The following ANKFN1 variants were observed in gnomAD, a reference collection of about 807,000 sequenced individuals.
The protein encoded by ANKFN1 is ankyrin repeat and fibronectin type-III domain-containing protein 1.
A neutral mutation model predicts 108.7 loss-of-function variants in ANKFN1; 74 were observed. That is an observed-to-expected ratio of 0.68 (90% confidence interval 0.56 to 0.83). ANKFN1 has a LOEUF of 0.83. Ranked by LOEUF, ANKFN1 falls within the 40% of genes least tolerant of loss-of-function variation. The pLI is 0.00. For synonymous variants in ANKFN1, 547 were observed against 516.2 expected (o/e 1.06, Z -0.81); for missense variants, 1,505 against 1,382.3 (o/e 1.09, Z -1.41).
chr17:56,154,840 C>T (rs769716058), intron 1 of ANKFN1, among the ~76,000 whole-genome samples: 3 of 152,056 alleles, frequency 2.0e-5, no homozygotes, highest in Non-Finnish European at 4.4e-5. Context: ...CCATTTGTTC[C>T]ATGAAGTGTA....
At chr17:56,482,631 T>G in intron 18 of ANKFN1, 107 bp downstream of exon 18, 1 of 1,365,738 alleles carries the variant, frequency 7.3e-7, no homozygotes, top group East Asian at 2.4e-5. Context: ...ATAAATCACA[T>G]GATGGCTTTG....
chr17:56,449,332 A>G (rs376346264), intron 11 of ANKFN1, 146 bp downstream of exon 11: 2 of 515,500 alleles, frequency 3.9e-6, no homozygotes, highest in Non-Finnish European at 6.7e-6. Flanking sequence ...TTACAGCACT[A>G]TCTTGCTTTA....
chr17:56,287,492 C>G (rs916099746), intron 3 of ANKFN1, among the ~76,000 whole-genome samples: 1 of 152,114 alleles, frequency 6.6e-6, no homozygotes, highest in Non-Finnish European at 1.5e-5. Flanking sequence ...CACCTTTGAC[C>G]CCCAAACAGC....
intron 4 of ANKFN1, among the ~76,000 whole-genome samples, chr17:56,335,499 C>G (rs1247920626): frequency 4.6e-5 from 7 of 152,132 alleles, no homozygotes; most frequent in Non-Finnish European, 1.0e-4. Context: ...TGGGAGTTCA[C>G]TCATGATTTG....
At chr17:56,345,371 A>T (rs552553051) in intron 4 of ANKFN1, among the ~76,000 whole-genome samples, 4 of 152,232 alleles carry the variant, frequency 2.6e-5, no homozygotes, top group Non-Finnish European at 5.9e-5. Context: ...ATGTGTCTTT[A>T]TAGTAGAATG....
intron 1 of ANKFN1, among the ~76,000 whole-genome samples, chr17:56,196,281 A>G (rs1913500165): frequency 6.6e-6 from 1 of 152,196 alleles, no homozygotes; most frequent in Admixed American, 6.5e-5. Context: ...CACCACCACA[A>G]CAAAAGTGAA....
intron 6 of ANKFN1, among the ~76,000 whole-genome samples, chr17:56,358,620 G>A (rs2046434649): frequency 6.6e-6 from 1 of 151,982 alleles, no homozygotes; most frequent in Admixed American, 6.6e-5. Flanking sequence ...TTCTTTCCTT[G>A]CAGAAAAACA....
At chr17:56,470,475 T>C (rs142517446) in intron 15 of ANKFN1, among the ~76,000 whole-genome samples, 83 of 152,238 alleles carry the variant, frequency 5.5e-4, no homozygotes, top group Non-Finnish European at 1.0e-3. Context: ...GTATTAATAA[T>C]AATCACCATT....
chr17:56,219,837 T>C (rs1167564568), intron 2 of ANKFN1, among the ~76,000 whole-genome samples: 2 of 152,252 alleles, frequency 1.3e-5, no homozygotes, highest in Non-Finnish European at 2.9e-5. Context: ...TGGCGGCTAC[T>C]GAAACCAGTA....
intron 3 of ANKFN1, among the ~76,000 whole-genome samples, chr17:56,315,570 A>G (rs2045179468): frequency 6.6e-6 from 1 of 152,210 alleles, no homozygotes; most frequent in Non-Finnish European, 1.5e-5. Flanking sequence ...TAAGCCATTG[A>G]CCTTTTAATT....
Position 56,159,656 on chromosome 17 carries a change from C to A in ANKFN1, c.-71+6126C>A, listed in dbSNP as rs529794835. Among the ~76,000 whole-genome samples, 40 of 152,320 alleles carry A rather than the reference C, an allele frequency of 2.6e-4. 2 individuals are homozygous for A. In the South Asian group the frequency reaches 8.3e-3, roughly 32 times the overall value. On this transcript the variant is annotated intron_variant, in intron 1 of 20. Transcript: ENST00000682825. The stretch of plus-strand genomic sequence containing the variant: ...ACACACTCTAACCTCTACCCTCCCC[C>A]TTTCCAAGACACACGTATTAATAAC...
chr17:56,150,468 C>T (rs190961793), upstream of ANKFN1, among the ~76,000 whole-genome samples: 275 of 152,282 alleles, frequency 1.8e-3, 1 homozygote, highest in Admixed American at 4.2e-3. Flanking sequence ...CCACTGCCCT[C>T]ATTTGTCTCA....
rs1390895498 is a variant in ANKFN1, at chr17:56,511,618, C to T, written c.*349C>T. On this transcript the variant is annotated 3_prime_UTR_variant, in exon 21 of 21. Coordinates refer to ENST00000682825, the MANE Select transcript of ANKFN1 (RefSeq NM_001370326.1). ...TTCTGCAGCTGGTTCTGTAATCTGA[C>T]CCCTAGTTTAGGGCTCTTTCATGAA... 1.9e-5 allele frequency: 4 copies of T among 211,858 alleles called. No homozygotes were observed. The highest frequency in any genetic ancestry group is 9.2e-5 in the African/African-American group (4 of 43,528). 13.1% of individuals were successfully genotyped at this position (211,858 alleles called of 1,614,324 possible). A position where few individuals can be genotyped will look rare whatever the true frequency, so the allele number is the denominator to read the frequency against.
chr17:56,220,863 GAA>G, intron 2 of ANKFN1, among the ~76,000 whole-genome samples: 9 of 67,980 alleles, frequency 1.3e-4, no homozygotes, highest in African/African-American at 8.6e-4. Context: ...AGGAAGGAAG[GAA>G]GGAAGGGAGG....
intron 18 of ANKFN1, among the ~76,000 whole-genome samples, chr17:56,484,924 G>A (rs2050812751): frequency 6.6e-6 from 1 of 152,100 alleles, no homozygotes; most frequent in African/African-American, 2.4e-5. Context: ...TGACTCCTAA[G>A]GCCCTGAAGG....
intron 1 of ANKFN1, among the ~76,000 whole-genome samples, chr17:56,156,783 T>C (rs570307029): frequency 7.2e-5 from 11 of 152,316 alleles, no homozygotes; most frequent in African/African-American, 2.2e-4. Flanking sequence ...CAATCCTAGC[T>C]TGCCCTCTGT....
chr17:56,089,793 G>A (rs1905378871), intron 4 of ANKFN1, among the ~76,000 whole-genome samples: 1 of 151,240 alleles, frequency 6.6e-6, no homozygotes, highest in Non-Finnish European at 1.5e-5. Context: ...TATTCGAACT[G>A]CAGCTTTGCT....
At chr17:56,218,956 A>G (rs1368919166) in intron 2 of ANKFN1, among the ~76,000 whole-genome samples, 3 of 152,114 alleles carry the variant, frequency 2.0e-5, no homozygotes, top group African/African-American at 2.4e-5. Flanking sequence ...CTTTGCTCCT[A>G]TAGGTACCCC....
intron 4 of ANKFN1, among the ~76,000 whole-genome samples, chr17:56,129,092 A>C (rs1437659212): frequency 6.6e-6 from 1 of 152,220 alleles, no homozygotes; most frequent in African/African-American, 2.4e-5. Flanking sequence ...CTTGCAGGAC[A>C]AGGGAAAAAT....
Sources: allele counts gnomAD v4.1 joint callset (sites outside exome capture counted in the v4.1 genomes callset), GRCh38; gene constraint gnomAD v4.1.1; transcripts MANE v1.5; gene names NCBI Gene and HGNC (gene_info 2026-07-23, HGNC 2026-07-21).